ROBO2: variants seen among roughly 807,000 people sequenced by gnomAD.
ROBO2 encodes the protein roundabout guidance receptor 2.
A neutral mutation model predicts 160.8 loss-of-function variants in ROBO2; 53 were observed. That is an observed-to-expected ratio of 0.33 (90% CI 0.26 to 0.41). ROBO2 has a LOEUF of 0.41. Among genes scored for constraint, ROBO2 ranks in the 10% least tolerant of loss-of-function variants. The pLI, the probability that ROBO2 is intolerant of heterozygous loss-of-function variation, is 1.00. For synonymous variants in ROBO2, 664 were observed against 611.7 expected (o/e 1.09, Z -1.26); for missense variants, 1,577 against 1,722.4 (o/e 0.92, Z 1.49).
intron 2 of ROBO2, among the ~76,000 whole-genome samples, chr3:76,766,586 G>C (rs1277580995): frequency 2.0e-5 from 3 of 151,648 alleles, no homozygotes; most frequent in Non-Finnish European, 4.4e-5. Flanking sequence ...TTTTTATAAT[G>C]AGAAACGTAA....
At chr3:77,082,614 G>GATAT (rs377680810) in intron 1 of ROBO2, among the ~76,000 whole-genome samples, 14 of 149,480 alleles carry the variant, frequency 9.4e-5, no homozygotes, top group South Asian at 2.1e-4. Flanking sequence ...TTAATTAACA[G>GATAT]ATATATATAT....
chr3:76,363,157 A>G (rs1383751320), intron 2 of ROBO2, among the ~76,000 whole-genome samples: 2 of 151,938 alleles, frequency 1.3e-5, no homozygotes, highest in Admixed American at 6.6e-5. Context: ...AAATTTATAT[A>G]GCTTCTTCCC....
At chr3:76,478,589 A>G (rs1373019238) in intron 2 of ROBO2, among the ~76,000 whole-genome samples, 2 of 151,884 alleles carry the variant, frequency 1.3e-5, no homozygotes, top group Non-Finnish European at 2.9e-5. Context: ...TCCCTTAACA[A>G]TTGTATAGAT....
chr3:76,691,547 G>A (rs1040328249), intron 2 of ROBO2, among the ~76,000 whole-genome samples: 1 of 152,146 alleles, frequency 6.6e-6, no homozygotes, highest in African/African-American at 2.4e-5. Flanking sequence ...GGGAATGGAA[G>A]TATGATAGAG....
chr3:76,713,757 T>A, intron 2 of ROBO2, among the ~76,000 whole-genome samples: 1 of 152,158 alleles, frequency 6.6e-6, no homozygotes, highest in East Asian at 1.9e-4. Flanking sequence ...ATTAACAACA[T>A]GCTTTTAAGC....
chr3:77,474,696 T>A (rs1321962061), intron 2 of ROBO2, among the ~76,000 whole-genome samples: 3 of 144,198 alleles, frequency 2.1e-5, no homozygotes. Context: ...ACACACTCAA[T>A]TTAGAATTTA....
chr3:77,411,367 A>C (rs1324871133), intron 2 of ROBO2, among the ~76,000 whole-genome samples: 1 of 152,224 alleles, frequency 6.6e-6, no homozygotes, highest in Non-Finnish European at 1.5e-5. Context: ...CAGCAATTCC[A>C]CTGCTGTAAA....
intron 1 of ROBO2, among the ~76,000 whole-genome samples, chr3:75,920,729 A>G (rs1947003941): frequency 6.6e-6 from 1 of 152,142 alleles, no homozygotes; most frequent in East Asian, 1.9e-4. Flanking sequence ...TGGTGCATAT[A>G]TATTTAGGAT....
At chr3:76,783,929 T>C (rs1430347002) in intron 2 of ROBO2, among the ~76,000 whole-genome samples, 1 of 151,166 alleles carries the variant, frequency 6.6e-6, no homozygotes, top group African/African-American at 2.4e-5. Flanking sequence ...ATCTTTTTAT[T>C]CCACTAATTG....
chr3:77,149,359 G>A (rs28412541), intron 2 of ROBO2, among the ~76,000 whole-genome samples: 207 of 152,046 alleles, frequency 1.4e-3, no homozygotes, highest in African/African-American at 4.9e-3. Flanking sequence ...ATGGTATCTC[G>A]CAAACATATG....
At chr3:76,553,894 G>T (rs1264187042) in intron 2 of ROBO2, among the ~76,000 whole-genome samples, 1 of 152,060 alleles carries the variant, frequency 6.6e-6, no homozygotes, top group African/African-American at 2.4e-5. Context: ...TATTATCATG[G>T]GTGTGGAAAA....
chr3:75,970,689 G>A (rs141199769), intron 2 of ROBO2, among the ~76,000 whole-genome samples: 142 of 151,434 alleles, frequency 9.4e-4, no homozygotes, highest in Non-Finnish European at 1.6e-3. Context: ...ATAAGTAAAC[G>A]CATTATTTGT....
intron 2 of ROBO2, among the ~76,000 whole-genome samples, chr3:76,698,971 C>T (rs2092990760): frequency 6.6e-6 from 1 of 152,080 alleles, no homozygotes; most frequent in African/African-American, 2.4e-5. Flanking sequence ...AAGTATGTAA[C>T]ATTTTTCTCT....
chr3:77,529,979 T>C lies in ROBO2; in HGVS notation c.934+7077T>C, dbSNP rs182661848. ...CAATTTTAATTCAAGAACATAGATA[T>C]CTGAACATTTATTGTATGGTCAAAA... On this transcript the variant is annotated intron_variant, in intron 6 of 25. Coordinates refer to ENST00000461745, the Ensembl canonical transcript of ROBO2. Among the ~76,000 whole-genome samples, 3 of 152,044 alleles carry C rather than the reference T, an allele frequency of 2.0e-5. No homozygotes were observed. The East Asian group carries it at 5.8e-4, about 30-fold the overall frequency.
chr3:76,984,285 C>A (rs567529355), intron 2 of ROBO2, among the ~76,000 whole-genome samples: 1 of 152,308 alleles, frequency 6.6e-6, no homozygotes, highest in Non-Finnish European at 1.5e-5. Flanking sequence ...CATTTACCAT[C>A]TAGTCTCTCT....
chr3:76,958,580 C>T (rs1351872742), intron 2 of ROBO2, among the ~76,000 whole-genome samples: 1 of 152,198 alleles, frequency 6.6e-6, no homozygotes, highest in African/African-American at 2.4e-5. Context: ...TTAAGATGGA[C>T]ATATTTTACT....
At chr3:77,482,366 C>G (rs552566520) in intron 4 of ROBO2, among the ~76,000 whole-genome samples, 1 of 152,218 alleles carries the variant, frequency 6.6e-6, no homozygotes, top group Admixed American at 6.5e-5. Flanking sequence ...GACGCCATCC[C>G]AAGGTGTAAT....
intron 2 of ROBO2, among the ~76,000 whole-genome samples, chr3:77,137,707 G>A (rs943224505): frequency 2.0e-5 from 3 of 152,274 alleles, no homozygotes; most frequent in East Asian, 1.9e-4. Context: ...TGTTGAGCCC[G>A]GACAAGTCTG....
At chr3:76,282,994 A>T (rs1708308692) in intron 2 of ROBO2, among the ~76,000 whole-genome samples, 1 of 144,966 alleles carries the variant, frequency 6.9e-6, no homozygotes, top group Non-Finnish European at 1.5e-5. Flanking sequence ...TTTTTTCTTT[A>T]TTTTAAGAAA....
Sources: allele counts gnomAD v4.1 joint callset (sites outside exome capture counted in the v4.1 genomes callset), GRCh38; gene constraint gnomAD v4.1.1; transcripts MANE v1.5; gene names NCBI Gene and HGNC (gene_info 2026-07-23, HGNC 2026-07-21).